Variants in SECISBP2L observed in about 807,000 individuals in gnomAD.
SECISBP2L encodes selenocysteine insertion sequence-binding protein 2-like.
A neutral mutation model predicts 114.7 loss-of-function variants in SECISBP2L; 43 were observed. The observed-to-expected ratio is 0.38, with a 90% CI of 0.29 to 0.48. The LOEUF (loss-of-function observed/expected upper bound fraction) is 0.48. Ranked by LOEUF, SECISBP2L falls within the 20% of genes least tolerant of loss-of-function variation. The pLI, the probability that SECISBP2L is intolerant of heterozygous loss-of-function variation, is 0.98. For synonymous variants in SECISBP2L, 451 were observed against 439.7 expected (o/e 1.03, Z -0.32); for missense variants, 1,136 against 1,301.1 (o/e 0.87, Z 1.95).
chr15:48,990,551 A>G lies in SECISBP2L; in HGVS notation c.*1693T>C, dbSNP rs960620280. 1 of 152,490 alleles carries G rather than the reference A, an allele frequency of 6.6e-6. No homozygotes were observed. Among genetic ancestry groups the G allele is most frequent in the Non-Finnish European group, 1.5e-5 (1 of 67,948 alleles). 9.4% of individuals were successfully genotyped at this position (152,490 alleles called of 1,614,324 possible). A position where few individuals can be genotyped will look rare whatever the true frequency, so the allele number is the denominator to read the frequency against. On this transcript the variant is annotated 3_prime_UTR_variant, in exon 18 of 18. Coordinates refer to ENST00000559471, the MANE Select transcript of SECISBP2L (RefSeq NM_001193489.2). ...TTTAGCACAATAATAAAGTTGATTG[A>G]CTAACATTTTCTACACAGCTCCTGA... is the stretch of plus-strand genomic sequence containing the variant.
Position 48,992,900 on chromosome 15 carries a change from T to A in SECISBP2L, c.2650A>T (p.Thr884Ser), listed in dbSNP as rs1902014296. 6.2e-7 allele frequency: 1 copy of A among 1,612,976 alleles called. No individual in the cohort carries two copies. The highest frequency in any genetic ancestry group is 1.7e-5 in the Admixed American group (1 of 59,940). ...YETNWRNMVE[T>S]SDGLEASENE... Reference sequence around the variant, plus strand: ...TCTGATGCTTCCAGTCCATCTGAAGTTTCCACCATGTTTCTCCAATTTGTT... The same window carrying A: ...TCTGATGCTTCCAGTCCATCTGAAGATTCCACCATGTTTCTCCAATTTGTT... The change falls in exon 18 of 18, where the codon ACT becomes TCT. Residue 884 changes from threonine to serine, a missense_variant. This residue lies in a region of SECISBP2L where 684 missense variants were observed against 848.7 expected (regional missense o/e 0.81). Transcript: ENST00000559471.
chr15:49,002,299 G>A (rs961527107), intron 14 of SECISBP2L, among the ~76,000 whole-genome samples: 3 of 151,366 alleles, frequency 2.0e-5, no homozygotes, highest in African/African-American at 7.3e-5. Context: ...TTTTGATGGG[G>A]TTGTTTTTTC....
intron 7 of SECISBP2L, among the ~76,000 whole-genome samples, chr15:49,023,312 A>C (rs1242824039): frequency 6.6e-6 from 1 of 152,258 alleles, no homozygotes; most frequent in Non-Finnish European, 1.5e-5. Context: ...GTAAGTTCAC[A>C]GGAAAAGAAG....
chr15:48,991,357 G>A lies in SECISBP2L; in HGVS notation c.*887C>T, dbSNP rs1450761975. 1 of 152,572 alleles carries A rather than the reference G, an allele frequency of 6.6e-6. No homozygotes were observed. Among genetic ancestry groups the A allele is most frequent in the Non-Finnish European group, 1.5e-5 (1 of 68,032 alleles). The allele number at this position is 152,572 out of a possible 1,614,324, so 9.5% of individuals were successfully genotyped here. ...ATCCATATCTCAAATCAAGAGTCCT[G>A]AACCAGAAGCATGCAAGAGAACACA... is the stretch of plus-strand genomic sequence containing the variant. On this transcript the variant is annotated 3_prime_UTR_variant, in exon 18 of 18. Transcript: ENST00000559471.
At chr15:49,015,274 C>T (rs1385455648) in intron 11 of SECISBP2L, among the ~76,000 whole-genome samples, 1 of 152,064 alleles carries the variant, frequency 6.6e-6, no homozygotes, top group Non-Finnish European at 1.5e-5. Flanking sequence ...GTTTTATTCC[C>T]TATTTTTACT....
chr15:48,996,659 T>G, intron 16 of SECISBP2L, 73 bp from the exon 17 acceptor site: 1 of 1,320,566 alleles, frequency 7.6e-7, no homozygotes, highest in Non-Finnish European at 1.0e-6. Flanking sequence ...ATAATAAATA[T>G]CTCTACTGTT....
intron 1 of SECISBP2L, among the ~76,000 whole-genome samples, chr15:49,038,042 T>C (rs976529641): frequency 2.6e-5 from 4 of 152,162 alleles, no homozygotes; most frequent in African/African-American, 9.6e-5. Context: ...ACACAGAAGT[T>C]ATACCTCAGG....
intron 7 of SECISBP2L, among the ~76,000 whole-genome samples, chr15:49,024,082 G>A (rs775587655): frequency 6.6e-6 from 1 of 151,898 alleles, no homozygotes; most frequent in Non-Finnish European, 1.5e-5. Flanking sequence ...CTAAAGAAAT[G>A]ATCTATATTA....
chr15:48,991,180 T>A lies in SECISBP2L; in HGVS notation c.*1064A>T, dbSNP rs1162826696. ...TCTAAGCCTTGATTATCAGGATACATGTCACAAGTTGTGCAAAGTTCCTTT... is the reference window on the plus strand; with the variant it reads ...TCTAAGCCTTGATTATCAGGATACAAGTCACAAGTTGTGCAAAGTTCCTTT... On this transcript the variant is annotated 3_prime_UTR_variant, in exon 18 of 18. Coordinates refer to ENST00000559471, the MANE Select transcript of SECISBP2L (RefSeq NM_001193489.2). 1 of 152,222 alleles carries A rather than the reference T, an allele frequency of 6.6e-6. No homozygotes were observed. Among genetic ancestry groups the A allele is most frequent in the Non-Finnish European group, 1.5e-5 (1 of 68,038 alleles). The allele number at this position is 152,222 out of a possible 1,614,324, so 9.4% of individuals were successfully genotyped here.
intron 7 of SECISBP2L, among the ~76,000 whole-genome samples, chr15:49,021,765 T>TA (rs1392416162): frequency 6.6e-6 from 1 of 152,168 alleles, no homozygotes; most frequent in African/African-American, 2.4e-5. Context: ...AGGATTAAAT[T>TA]AAAACCCCCA....
intron 8 of SECISBP2L, 128 bp from the exon 9 acceptor site, chr15:49,017,756 T>C: frequency 1.7e-6 from 1 of 599,262 alleles, no homozygotes; most frequent in Middle Eastern, 4.5e-4. Context: ...TCAAAGTCGG[T>C]CTTAAAGAGG....
At chr15:49,006,753 C>T (rs1050977994) in intron 14 of SECISBP2L, among the ~76,000 whole-genome samples, 1 of 151,996 alleles carries the variant, frequency 6.6e-6, no homozygotes, top group South Asian at 2.1e-4. Flanking sequence ...TCCTTTAGCT[C>T]GGAGGAGTTT....
intron 11 of SECISBP2L, among the ~76,000 whole-genome samples, chr15:49,016,000 T>C (rs1902527926): frequency 6.6e-6 from 1 of 152,200 alleles, no homozygotes; most frequent in Non-Finnish European, 1.5e-5. Flanking sequence ...GTCTGAGGAC[T>C]GCTAATGCAG....
chr15:49,040,826 C>T lies in SECISBP2L; in HGVS notation c.25-3057G>A, dbSNP rs139533919. On this transcript the variant is annotated intron_variant, in intron 1 of 17. Coordinates refer to ENST00000559471, the MANE Select transcript of SECISBP2L (RefSeq NM_001193489.2). ...GTGCTGGGATTACAAGCGTGAGCCA[C>T]CGCGCCCGGCCGATCCCAAACTATT... 2.5e-3 allele frequency among the ~76,000 whole-genome samples: 379 copies of T among 151,928 alleles called. 1 individual carries two copies. The highest frequency in any genetic ancestry group is 8.8e-3 in the African/African-American group (363 of 41,478).
In SECISBP2L at chr15:49,037,782, A is replaced by G. The variant is rs550115595; in HGVS notation, c.25-13T>C. ...ACAGCTTGACATTCTTCAAAGAGAA[A>G]GTAGAATACATTAATAACAAATGAG... On this transcript the variant is annotated splice_polypyrimidine_tract_variant and intron_variant, in intron 1 of 17. Coordinates refer to ENST00000559471, the MANE Select transcript of SECISBP2L (RefSeq NM_001193489.2). The G allele has an allele frequency of 7.1e-5, 112 of 1,582,518 alleles. 1 individual carries two copies. In the South Asian group the frequency reaches 1.2e-3, roughly 17 times the overall value.
chr15:49,006,463 T>A (rs767358746), intron 14 of SECISBP2L, among the ~76,000 whole-genome samples: 8 of 152,196 alleles, frequency 5.3e-5, no homozygotes, highest in African/African-American at 1.9e-4. Flanking sequence ...TTATTTTTTC[T>A]CTAACCTTGT....
At position 49,027,480 on chromosome 15, in the gene SECISBP2L, C is replaced by T. The variant is rs540769954; in HGVS notation, c.920G>A (p.Gly307Asp). The T allele has an allele frequency of 2.6e-6, 4 of 1,525,894 alleles. No individual in the cohort carries two copies. The East Asian group carries it at 6.9e-5, about 26-fold the overall frequency. 94.5% of individuals were successfully genotyped at this position (1,525,894 alleles called of 1,614,324 possible). ...AGTTACATTGGACCAATTTACACCACCTATAACAAATGAAATTTTAAATTA... is the reference window on the plus strand; with the variant it reads ...AGTTACATTGGACCAATTTACACCATCTATAACAAATGAAATTTTAAATTA... ...MNHVESSMCA[G>D]GVNWSNVTCQ... The change falls in exon 7 of 18, where the codon GGT (glycine) becomes GAT (aspartate). Residue 307 changes from glycine (G) to aspartate (D), a missense_variant and splice_region_variant. This residue lies in a region of SECISBP2L where 452 missense variants were observed against 452.3 expected (regional missense o/e 1.00). Transcript: ENST00000559471.
At chr15:48,994,287 C>A (rs541945361) in intron 17 of SECISBP2L, among the ~76,000 whole-genome samples, 1 of 152,284 alleles carries the variant, frequency 6.6e-6, no homozygotes, top group South Asian at 2.1e-4. Flanking sequence ...ACCTGTAGCT[C>A]AAAAACTACT....
chr15:49,017,317 G>C (rs1365193265), intron 9 of SECISBP2L, among the ~76,000 whole-genome samples: 4 of 152,302 alleles, frequency 2.6e-5, no homozygotes, highest in African/African-American at 7.2e-5. Flanking sequence ...TATGTTGTAT[G>C]ATGATATCAT....
Sources: allele counts gnomAD v4.1 joint callset (sites outside exome capture counted in the v4.1 genomes callset), GRCh38; gene constraint gnomAD v4.1.1; regional missense constraint gnomAD v4.1.1; transcripts MANE v1.5; gene names NCBI Gene and HGNC (gene_info 2026-07-23, HGNC 2026-07-21).